LRRC9: variants seen among roughly 807,000 people sequenced by gnomAD.
LRRC9 encodes leucine-rich repeat-containing protein 9.
In LRRC9, 122 loss-of-function variants were observed where a neutral mutation model predicts 63.2. That is an observed-to-expected ratio of 1.93 (90% CI 1.67 to 2.24). LRRC9 has a LOEUF of 2.24. Among genes scored for constraint, LRRC9 ranks in the 30% most tolerant of loss-of-function variants. LRRC9 has a pLI of 0.00. For missense variants in LRRC9, 1,071 were observed against 627.7 expected, an observed-to-expected ratio of 1.71 and a Z score of -7.55; for synonymous variants, 366 against 213.1, an observed-to-expected ratio of 1.72 and a Z score of -6.25.
chr14:59,928,765 A>C (rs148941484), intron 3 of LRRC9, among the ~76,000 whole-genome samples: 5 of 152,262 alleles, frequency 3.3e-5, no homozygotes, highest in African/African-American at 1.2e-4. Flanking sequence ...CCCAGAAATA[A>C]GGCCACACAC....
In LRRC9 at chr14:60,018,494, A is replaced by G. The variant is rs2140277976; in HGVS notation, c.3426+15A>G. On this transcript the variant is annotated intron_variant, in intron 25 of 31. Transcript: ENST00000445360. The stretch of plus-strand genomic sequence containing the variant: ...CTAATGTGAAGGTAAGTCATTCACA[A>G]ATTTTTCTTTCTTTCAAGGTTTCCA... 3 of 681,996 alleles carry G rather than the reference A, an allele frequency of 4.4e-6. No individual in the cohort carries two copies. The highest frequency in any genetic ancestry group is 2.7e-5 in the East Asian group (1 of 36,622). 42.2% of individuals were successfully genotyped at this position (681,996 alleles called of 1,614,324 possible).
intron 8 of LRRC9, among the ~76,000 whole-genome samples, chr14:59,947,246 T>G (rs1288838390): frequency 6.7e-6 from 1 of 148,756 alleles, no homozygotes; most frequent in Middle Eastern, 3.3e-3. Flanking sequence ...TTTGCATTTC[T>G]CTGATGGCCA....
chr14:59,920,504 C>G (rs993912484), intron 1 of LRRC9, among the ~76,000 whole-genome samples: 1 of 152,136 alleles, frequency 6.6e-6, no homozygotes, highest in Non-Finnish European at 1.5e-5. Context: ...GGAGGGTGGC[C>G]TACAGCCAAC....
chr14:60,007,075 C>T (rs1295078326), intron 22 of LRRC9, among the ~76,000 whole-genome samples: 1 of 152,186 alleles, frequency 6.6e-6, no homozygotes, highest in African/African-American at 2.4e-5. Flanking sequence ...CAGGAATTTA[C>T]TTCAAATGTC....
At chr14:59,955,845 G>T (rs1883688712) in intron 8 of LRRC9, among the ~76,000 whole-genome samples, 1 of 152,014 alleles carries the variant, frequency 6.6e-6, no homozygotes. Flanking sequence ...TTGTCTCTTT[G>T]TTCTCATTGG....
In LRRC9 at chr14:59,923,141, G is replaced by C. The variant is rs1888923225; in HGVS notation, c.-34+3258G>C. On this transcript the variant is annotated intron_variant, in intron 1 of 31. Coordinates refer to ENST00000445360, the Ensembl canonical transcript of LRRC9. This position sits in a 1 kb window ranked among gnomAD's most constrained non-coding sequence, Gnocchi z 4.2. ...TTGATGAATTCAGTAACTTCATCTGGAACCCTTGAGTCCATTTGTGACTGG... is the reference window on the plus strand; with the variant it reads ...TTGATGAATTCAGTAACTTCATCTGCAACCCTTGAGTCCATTTGTGACTGG... Among the ~76,000 whole-genome samples, 1 of 152,144 alleles carries C rather than the reference G, an allele frequency of 6.6e-6. No individual in the cohort carries two copies. The highest frequency in any genetic ancestry group is 6.5e-5 in the Admixed American group (1 of 15,290).
chr14:60,006,820 A>G (rs1889845940), intron 22 of LRRC9: 1 of 364,954 alleles, frequency 2.7e-6, no homozygotes, highest in Non-Finnish European at 4.9e-6. Flanking sequence ...CCCATTTGCT[A>G]TCCTTCTGGG....
intron 8 of LRRC9, among the ~76,000 whole-genome samples, chr14:59,946,487 A>G (rs991009644): frequency 6.7e-6 from 1 of 148,932 alleles, no homozygotes; most frequent in Non-Finnish European, 1.5e-5. Flanking sequence ...TGCTTAATCT[A>G]TTTTCTTTTT....
exon 15 of LRRC9, chr14:59,978,071 T>G (rs966369280): frequency 1.4e-6 from 1 of 702,340 alleles, no homozygotes; most frequent in African/African-American, 1.7e-5. Flanking sequence ...TGCAAGTGGT[T>G]TGTCTTTGAT....
chr14:59,989,615 T>C (rs1453510073), intron 17 of LRRC9, among the ~76,000 whole-genome samples: 1 of 152,186 alleles, frequency 6.6e-6, no homozygotes, highest in East Asian at 1.9e-4. Context: ...GGTAGGTTAA[T>C]AGTCATGATA....
intron 21 of LRRC9, among the ~76,000 whole-genome samples, chr14:60,005,142 T>C (rs1429518094): frequency 6.6e-6 from 1 of 152,136 alleles, no homozygotes; most frequent in East Asian, 1.9e-4. Flanking sequence ...AAAGCATACA[T>C]AACATTTGTG....
intron 29 of LRRC9, among the ~76,000 whole-genome samples, chr14:60,044,652 T>C (rs1893253903): frequency 6.6e-6 from 1 of 152,216 alleles, no homozygotes; most frequent in Non-Finnish European, 1.5e-5. Flanking sequence ...TCCAAGAAGA[T>C]ACTTGATATT....
intron 8 of LRRC9, among the ~76,000 whole-genome samples, chr14:59,949,742 A>T (rs1045917468): frequency 4.0e-5 from 6 of 151,026 alleles, no homozygotes; most frequent in African/African-American, 1.5e-4. Context: ...TTCTGCCTTC[A>T]TTTCGTTATG....
At chr14:59,953,743 T>A (rs540212338) in intron 8 of LRRC9, among the ~76,000 whole-genome samples, 3 of 152,350 alleles carry the variant, frequency 2.0e-5, no homozygotes, top group African/African-American at 4.8e-5. Flanking sequence ...CCCATGCTTA[T>A]GTCCTGCATG....
Position 59,966,841 on chromosome 14 carries a change from T to C in LRRC9, c.1388+76T>C, listed in dbSNP as rs1003755809. 7.0e-6 allele frequency: 4 copies of C among 569,014 alleles called. No homozygotes were observed. Among genetic ancestry groups the C allele is most frequent in the African/African-American group, 1.9e-5 (1 of 53,592 alleles). The allele number at this position is 569,014 out of a possible 1,614,324, so 35.2% of individuals were successfully genotyped here. On this transcript the variant is annotated intron_variant, in intron 11 of 31. Coordinates refer to ENST00000445360, the Ensembl canonical transcript of LRRC9. The surrounding 1 kb of genome is among the most constrained non-coding windows in gnomAD (Gnocchi z 4.0). ...TTGTAAAATTTCTATTTTAAAAGTTTACAGCATTAAAAATATACATATACC... is the reference window on the plus strand; with the variant it reads ...TTGTAAAATTTCTATTTTAAAAGTTCACAGCATTAAAAATATACATATACC...
chr14:59,994,901 A>G (rs1294433012), intron 17 of LRRC9, among the ~76,000 whole-genome samples: 1 of 152,120 alleles, frequency 6.6e-6, no homozygotes, highest in African/African-American at 2.4e-5. Context: ...TTGGAGATAT[A>G]CCTAATGTTA....
intron 29 of LRRC9, among the ~76,000 whole-genome samples, chr14:60,044,532 C>T: frequency 6.6e-6 from 1 of 152,054 alleles, no homozygotes; most frequent in South Asian, 2.1e-4. Flanking sequence ...TTTTAATTCC[C>T]TTCTTCATTG....
At chr14:60,049,408 A>G (rs2140420981) in intron 29 of LRRC9, among the ~76,000 whole-genome samples, 1 of 152,142 alleles carries the variant, frequency 6.6e-6, no homozygotes, top group African/African-American at 2.4e-5. Context: ...TTTCCTTTCC[A>G]TATTTAGTGC....
intron 23 of LRRC9, among the ~76,000 whole-genome samples, chr14:60,010,366 C>T (rs1485201747): frequency 6.6e-6 from 1 of 152,216 alleles, no homozygotes; most frequent in Non-Finnish European, 1.5e-5. Flanking sequence ...TTGAGCTATA[C>T]ATTGGCCCCT....
Sources: gnomAD v4.1 joint callset for allele counts (sites outside exome capture counted in the v4.1 genomes callset) on GRCh38, gnomAD v4.1.1 for gene constraint, Gnocchi (gnomAD v3.1) non-coding constraint, MANE v1.5 for transcripts, NCBI Gene and HGNC (gene_info 2026-07-23, HGNC 2026-07-21) for gene names.